Variants in PRELID2 observed in about 807,000 individuals in gnomAD.
The protein encoded by PRELID2 is PRELI domain-containing protein 2.
Under a neutral mutation model 28.4 loss-of-function variants are expected in PRELID2, and 25 were observed. The ratio of observed to expected loss-of-function variants is 0.88; its 90% CI spans 0.64 to 1.23. The LOEUF (loss-of-function observed/expected upper bound fraction) is 1.23, where lower values mean the gene tolerates loss of function less well. Ranked by LOEUF, PRELID2 falls within the 50% of genes most tolerant of loss-of-function variation. The pLI, the probability that PRELID2 is intolerant of heterozygous loss-of-function variation, is 0.00. For synonymous variants in PRELID2, 76 were observed against 71.6 expected, an observed-to-expected ratio of 1.06 and a Z score of -0.31; for missense variants, 201 against 214.4, an observed-to-expected ratio of 0.94 and a Z score of 0.39.
chr5:145,515,486 T>C (rs1037937635), intron 1 of PRELID2, among the ~76,000 whole-genome samples: 11 of 152,144 alleles, frequency 7.2e-5, no homozygotes, highest in Admixed American at 3.3e-4. Context: ...AGTTCTGAAA[T>C]TGAGGCAATA....
intron 1 of PRELID2, among the ~76,000 whole-genome samples, chr5:145,599,267 G>C (rs1454931252): frequency 6.6e-6 from 1 of 152,166 alleles, no homozygotes; most frequent in Non-Finnish European, 1.5e-5. Flanking sequence ...ATTTAGCAAA[G>C]TCTAGAAAGA....
chr5:145,493,089 T>C (rs1399576942), intron 1 of PRELID2, among the ~76,000 whole-genome samples: 2 of 140,730 alleles, frequency 1.4e-5, no homozygotes, highest in Admixed American at 7.2e-5. Context: ...CCCTCTTCCA[T>C]GTGCCTTTTA....
the PRELID2 span, among the ~76,000 whole-genome samples, chr5:145,295,697 T>G: frequency 1.3e-5 from 2 of 152,172 alleles, no homozygotes; most frequent in African/African-American, 2.4e-5. Flanking sequence ...AAACAGATGT[T>G]CTAACTGAAA....
At chr5:145,492,343 T>TAATACTCCCTTCTCCCTCGCTG (rs1389027055) in intron 1 of PRELID2, among the ~76,000 whole-genome samples, 7 of 143,534 alleles carry the variant, frequency 4.9e-5, no homozygotes, top group Non-Finnish European at 7.9e-5. Flanking sequence ...AAATGTCTAT[T>TAATACTCCCTTCTCCCTCGCTG]CAGGTCCTTT....
chr5:145,514,318 C>CAAAAAAAAAAAAAAAAAAAAAAAA lies in PRELID2; in HGVS notation n.71-41004_71-41003insTTTTTTTTTTTTTTTTTTTTTTTT, dbSNP rs55760860. 2.7e-4 allele frequency among the ~76,000 whole-genome samples: 18 copies of CAAAAAAAAAAAAAAAAAAAAAAAA among 67,466 alleles called. 1 individual carries two copies. Among genetic ancestry groups the CAAAAAAAAAAAAAAAAAAAAAAAA allele is most frequent in the African/African-American group, 3.4e-4 (6 of 17,654 alleles). 44.3% of individuals were successfully genotyped at this position (67,466 alleles called of 152,430 possible). A position where few individuals can be genotyped will look rare whatever the true frequency, so the allele number is the denominator to read the frequency against. ...GAATATTTACCAAGCAAATGGAAAGCAAAAAAAAAAAAAAAGCATGGGTTG... is the reference window on the plus strand; with the variant it reads ...GAATATTTACCAAGCAAATGGAAAGCAAAAAAAAAAAAAAAAAAAAAAAAAAAAAAAAAAAAAAAGCATGGGTTG... On this transcript the variant is annotated intron_variant and non_coding_transcript_variant, in intron 1 of 2. Transcript: ENST00000510259.
chr5:145,748,993 T>C lies in PRELID2; in HGVS notation n.70+15938A>G, dbSNP rs371953932. 1.2e-4 allele frequency among the ~76,000 whole-genome samples: 18 copies of C among 152,206 alleles called. 1 individual carries two copies. The highest frequency in any genetic ancestry group is 4.3e-4 in the African/African-American group (18 of 41,532). ...ATTAACTCAAGATGGATTAAAGACT[T>C]AAATGTAAAACCCCAAACCAAAAAA... On this transcript the variant is annotated intron_variant and non_coding_transcript_variant, in intron 1 of 2. Transcript: ENST00000510259.
chr5:145,466,270 A>G, the PRELID2 span, among the ~76,000 whole-genome samples: 3 of 152,246 alleles, frequency 2.0e-5, no homozygotes, highest in South Asian at 2.1e-4. Flanking sequence ...AAGCATACCA[A>G]TTTGGCAAGA....
Position 145,515,521 on chromosome 5 carries a change from G to T in PRELID2, n.71-42206C>A, listed in dbSNP as rs577935962. Among the ~76,000 whole-genome samples, 3 of 152,210 alleles carry T rather than the reference G, an allele frequency of 2.0e-5. No homozygotes were observed. The East Asian group carries it at 5.8e-4, about 29-fold the overall frequency. On this transcript the variant is annotated intron_variant and non_coding_transcript_variant, in intron 1 of 2. Transcript: ENST00000510259. ...AATTAATAGCCTACCAAACAAAAAA[G>T]CCCAGGACCAGACACATTCACAGAT...
chr5:145,315,744 G>C, the PRELID2 span, among the ~76,000 whole-genome samples: 1 of 151,618 alleles, frequency 6.6e-6, no homozygotes, highest in Non-Finnish European at 1.5e-5. Context: ...CCATATAATG[G>C]AATGCGAGGC....
chr5:145,239,605 C>A, the PRELID2 span, among the ~76,000 whole-genome samples: 1 of 151,936 alleles, frequency 6.6e-6, no homozygotes, highest in Admixed American at 6.6e-5. Context: ...CAAATTGATG[C>A]CTCGCTCTCC....
chr5:145,703,585 C>G (rs536138744), intron 1 of PRELID2, among the ~76,000 whole-genome samples: 1 of 152,308 alleles, frequency 6.6e-6, no homozygotes, highest in South Asian at 2.1e-4. Flanking sequence ...GGACATTTGA[C>G]TAAACCCAAA....
intron 1 of PRELID2, among the ~76,000 whole-genome samples, chr5:145,518,301 G>A (rs1489339909): frequency 3.3e-5 from 5 of 152,072 alleles, no homozygotes; most frequent in African/African-American, 1.2e-4. Flanking sequence ...CCAGGTTCAA[G>A]TGATTCTTCT....
the PRELID2 span, among the ~76,000 whole-genome samples, chr5:145,270,084 A>T: frequency 6.6e-6 from 1 of 151,794 alleles, no homozygotes; most frequent in Non-Finnish European, 1.5e-5. Flanking sequence ...ACTTATCAAC[A>T]TTAAATGTTG....
At chr5:145,828,376 T>C (rs1358866775) in intron 1 of PRELID2, among the ~76,000 whole-genome samples, 3 of 152,224 alleles carry the variant, frequency 2.0e-5, no homozygotes, top group Non-Finnish European at 2.9e-5. Context: ...ATCTTGCAAT[T>C]TACTGTGGTG....
chr5:145,476,258 A>G (rs1752100414), intron 1 of PRELID2, among the ~76,000 whole-genome samples: 1 of 152,262 alleles, frequency 6.6e-6, no homozygotes, highest in Non-Finnish European at 1.5e-5. Context: ...TTTGGGAGAC[A>G]ATCAATTCTA....
At chr5:145,682,620 A>G (rs1754958857) in intron 1 of PRELID2, among the ~76,000 whole-genome samples, 1 of 152,178 alleles carries the variant, frequency 6.6e-6, no homozygotes, top group Non-Finnish European at 1.5e-5. Flanking sequence ...TAAATGGAAA[A>G]ACAAGTCCGA....
chr5:145,468,871 C>G (rs557737112), downstream of PRELID2, among the ~76,000 whole-genome samples: 8 of 152,064 alleles, frequency 5.3e-5, no homozygotes, highest in East Asian at 1.5e-3. Context: ...AGGTTGCCTG[C>G]TCACTCTGAT....
At chr5:145,663,377 C>T (rs984417671) in intron 1 of PRELID2, among the ~76,000 whole-genome samples, 3 of 152,034 alleles carry the variant, frequency 2.0e-5, no homozygotes, top group African/African-American at 7.2e-5. Flanking sequence ...GATATATTTG[C>T]CATCTCTGGT....
intron 3 of PRELID2, 83 bp downstream of exon 3, chr5:145,819,862 A>G: frequency 1.2e-6 from 1 of 830,066 alleles, no homozygotes; most frequent in Non-Finnish European, 2.0e-6. Context: ...ACGCTCCTTT[A>G]CATCAGAAAA....
Sources: gnomAD v4.1 joint callset for allele counts (sites outside exome capture counted in the v4.1 genomes callset) on GRCh38, gnomAD v4.1.1 for gene constraint, MANE v1.5 for transcripts, NCBI Gene and HGNC (gene_info 2026-07-23, HGNC 2026-07-21) for gene names.